Variants in SLC35A1 observed in about 807,000 individuals in gnomAD.
The protein encoded by SLC35A1 is solute carrier family 35 member A1, also known as CMP-sialic acid transporter.
A neutral mutation model predicts 40.3 loss-of-function variants in SLC35A1; 21 were observed. The observed-to-expected ratio is 0.52, with a 90% CI of 0.37 to 0.75. The LOEUF (loss-of-function observed/expected upper bound fraction) is 0.75. SLC35A1 is among the 30% of genes least tolerant of loss of function. SLC35A1 has a pLI of 0.00. For synonymous variants in SLC35A1, 146 were observed against 147.3 expected (o/e 0.99, Z 0.06); for missense variants, 297 against 382.1 (o/e 0.78, Z 1.86).
intron 7 of SLC35A1, among the ~76,000 whole-genome samples, chr6:87,511,084 T>TA (rs530080998): frequency 2.0e-5 from 3 of 151,852 alleles, no homozygotes; most frequent in Non-Finnish European, 2.9e-5. Context: ...TACTTACATT[T>TA]AAAAAAAATT....
At chr6:87,499,549 G>A (rs964488613) in intron 2 of SLC35A1, among the ~76,000 whole-genome samples, 2 of 152,154 alleles carry the variant, frequency 1.3e-5, no homozygotes, top group South Asian at 2.1e-4. Context: ...TAATAGTTAA[G>A]AGCATGCATA....
intron 1 of SLC35A1, among the ~76,000 whole-genome samples, chr6:87,473,903 A>G (rs1198105263): frequency 3.3e-5 from 5 of 152,236 alleles, no homozygotes; most frequent in Admixed American, 6.5e-5. Flanking sequence ...TACATAAGGA[A>G]TATCTTCTTG....
At chr6:87,506,246 T>C (rs1770078322) in intron 4 of SLC35A1, 136 bp from the exon 5 acceptor site, 1 of 719,778 alleles carries the variant, frequency 1.4e-6, no homozygotes, top group East Asian at 2.7e-5. Flanking sequence ...GTTGTCTTAT[T>C]CTGTAGAATA....
chr6:87,490,665 T>G (rs571061247), intron 2 of SLC35A1, among the ~76,000 whole-genome samples: 1 of 152,294 alleles, frequency 6.6e-6, no homozygotes, highest in East Asian at 1.9e-4. Context: ...AAGGCAACGG[T>G]GCATATGTTG....
chr6:87,508,964 G>T (rs549112625), intron 6 of SLC35A1, 77 bp from the exon 7 acceptor site: 2 of 1,455,322 alleles, frequency 1.4e-6, no homozygotes, highest in African/African-American at 2.8e-5. Context: ...GGCATCTCTG[G>T]GGATGAAAAT....
intron 4 of SLC35A1, among the ~76,000 whole-genome samples, chr6:87,501,807 G>A (rs1432543483): frequency 6.6e-6 from 1 of 152,252 alleles, no homozygotes; most frequent in African/African-American, 2.4e-5. Context: ...AAGGGAAGGA[G>A]TGTTCTTACT....
In SLC35A1 at chr6:87,503,723, T is replaced by C. The variant is rs570203621; in HGVS notation, c.507+2413T>C. On this transcript the variant is annotated intron_variant, in intron 4 of 7. Transcript: ENST00000369552. The stretch of plus-strand genomic sequence containing the variant: ...CGAGACTCTGTTTCAATAATAATAA[T>C]AATAACAATAATATGCAAGTCTGTC... 8.5e-4 allele frequency among the ~76,000 whole-genome samples: 129 copies of C among 152,142 alleles called. 2 individuals carry two copies. The highest frequency in any genetic ancestry group is 2.9e-4 in the Non-Finnish European group (20 of 67,984).
intron 2 of SLC35A1, among the ~76,000 whole-genome samples, chr6:87,481,027 G>A (rs889943867): frequency 6.6e-6 from 1 of 152,146 alleles, no homozygotes; most frequent in African/African-American, 2.4e-5. Context: ...TCTAGGGGTG[G>A]TACCTGTGCT....
chr6:87,503,197 T>C (rs924974341), intron 4 of SLC35A1, among the ~76,000 whole-genome samples: 2 of 152,194 alleles, frequency 1.3e-5, no homozygotes, highest in African/African-American at 4.8e-5. Flanking sequence ...TCTCTCATAG[T>C]TTTTATGGGT....
intron 3 of SLC35A1, 30 bp from the exon 4 acceptor site, chr6:87,501,128 G>A: frequency 3.8e-6 from 6 of 1,559,396 alleles, no homozygotes; most frequent in Non-Finnish European, 5.3e-6. Context: ...AACATTAACT[G>A]AATTTATTAA....
At position 87,472,999 on chromosome 6, in the gene SLC35A1, G is replaced by A. The variant is rs1237719622; in HGVS notation, c.-5G>A. On this transcript the variant is annotated 5_prime_UTR_variant, in exon 1 of 8. Transcript: ENST00000369552. The stretch of plus-strand genomic sequence containing the variant: ...GTCAGTTCCGCGGGGGGCTGTCGGG[G>A]AACCATGGCTGCCCCGAGAGGTGAG... 2 of 687,834 alleles carry A rather than the reference G, an allele frequency of 2.9e-6. No homozygotes were observed. The highest frequency in any genetic ancestry group is 4.4e-6 in the Non-Finnish European group (2 of 454,528). The allele number at this position is 687,834 out of a possible 1,614,324, so 42.6% of individuals were successfully genotyped here.
intron 5 of SLC35A1, among the ~76,000 whole-genome samples, chr6:87,507,499 G>A (rs1485753069): frequency 6.6e-6 from 1 of 151,968 alleles, no homozygotes; most frequent in Non-Finnish European, 1.5e-5. Context: ...CTGTGTTTAC[G>A]GTAACTGAGC....
At chr6:87,487,405 C>A (rs923718390) in intron 2 of SLC35A1, among the ~76,000 whole-genome samples, 6 of 152,148 alleles carry the variant, frequency 3.9e-5, no homozygotes, top group Non-Finnish European at 7.3e-5. Flanking sequence ...GTTTGGATAA[C>A]CTGCTCCTAG....
chr6:87,504,897 G>T (rs891192371), intron 4 of SLC35A1, among the ~76,000 whole-genome samples: 2 of 152,170 alleles, frequency 1.3e-5, no homozygotes, highest in Non-Finnish European at 2.9e-5. Flanking sequence ...CTTGAAATTT[G>T]TATTATAGGA....
chr6:87,477,675 C>T (rs887498414), intron 2 of SLC35A1, 136 bp downstream of exon 2: 2 of 760,344 alleles, frequency 2.6e-6, no homozygotes, highest in African/African-American at 3.5e-5. Flanking sequence ...TTTTGCCCCC[C>T]AGAAGATTTT....
chr6:87,473,052 C>T, intron 1 of SLC35A1, 33 bp downstream of exon 1: 4 of 514,920 alleles, frequency 7.8e-6, no homozygotes, highest in Non-Finnish European at 9.6e-6. Context: ...GTGGGGAGTC[C>T]GCGGGGGGCG....
intron 2 of SLC35A1, among the ~76,000 whole-genome samples, chr6:87,495,095 C>T (rs934263928): frequency 6.6e-6 from 1 of 152,084 alleles, no homozygotes; most frequent in African/African-American, 2.4e-5. Flanking sequence ...TCAGCCTCCC[C>T]AGTAGCTGGG....
At chr6:87,504,499 CCTT>C (rs1770020460) in intron 4 of SLC35A1, among the ~76,000 whole-genome samples, 1 of 152,132 alleles carries the variant, frequency 6.6e-6, no homozygotes, top group South Asian at 2.1e-4. Flanking sequence ...ACCAGAACCT[CCTT>C]CTTCAGTAAC....
intron 5 of SLC35A1, 91 bp downstream of exon 5, chr6:87,506,539 GT>G: frequency 1.9e-6 from 2 of 1,035,022 alleles, no homozygotes; most frequent in Non-Finnish European, 3.0e-6. Flanking sequence ...TGCTTTCTCA[GT>G]TTTATTCCCA....
Sources: gnomAD v4.1 joint callset for allele counts (sites outside exome capture counted in the v4.1 genomes callset) on GRCh38, gnomAD v4.1.1 for gene constraint, MANE v1.5 for transcripts, NCBI Gene and HGNC (gene_info 2026-07-23, HGNC 2026-07-21) for gene names.